The following GAREM1 variants were observed in gnomAD, a reference collection of about 807,000 sequenced individuals.
GAREM1 encodes GRB2-associated and regulator of MAPK protein 1.
In GAREM1, 26 loss-of-function variants were observed where a neutral mutation model predicts 71.3. The ratio of observed to expected loss-of-function variants is 0.36; its 90% CI spans 0.27 to 0.51. The LOEUF (loss-of-function observed/expected upper bound fraction) is 0.51, where lower values mean the gene tolerates loss of function less well. Among genes scored for constraint, GAREM1 ranks in the 20% least tolerant of loss-of-function variants. GAREM1 has a pLI of 0.95. For synonymous variants in GAREM1, 440 were observed against 433.2 expected (o/e 1.02, Z -0.20); for missense variants, 1,026 against 1,103.1 (o/e 0.93, Z 0.99).
intron 3 of GAREM1, among the ~76,000 whole-genome samples, chr18:32,306,455 T>A (rs1361312517): frequency 2.1e-5 from 3 of 142,458 alleles, no homozygotes; most frequent in African/African-American, 8.3e-5. Flanking sequence ...ACAGAATGTT[T>A]AGCAGCAACC....
intron 3 of GAREM1, among the ~76,000 whole-genome samples, 200 bp downstream of exon 3, chr18:32,309,993 C>G (rs997534978): frequency 8.5e-5 from 13 of 152,234 alleles, no homozygotes; most frequent in Middle Eastern, 3.4e-3. Context: ...TAAATTCTAA[C>G]AAAAGATAAT....
At chr18:32,379,217 T>C (rs944949994) in intron 2 of GAREM1, among the ~76,000 whole-genome samples, 5 of 152,140 alleles carry the variant, frequency 3.3e-5, no homozygotes, top group Non-Finnish European at 2.9e-5. Flanking sequence ...CTTACTATTA[T>C]GTGTCTTAAC....
intron 2 of GAREM1, among the ~76,000 whole-genome samples, chr18:32,392,009 T>C (rs569618754): frequency 1.3e-5 from 2 of 152,278 alleles, no homozygotes; most frequent in East Asian, 3.9e-4. Flanking sequence ...AGGTCCCTTT[T>C]CCAAATAATA....
intron 1 of GAREM1, among the ~76,000 whole-genome samples, chr18:32,463,693 C>T (rs931559423): frequency 6.6e-6 from 1 of 151,554 alleles, no homozygotes; most frequent in African/African-American, 2.4e-5. Flanking sequence ...CCTCAGCCTC[C>T]CGAGTAGCTG....
In GAREM1 at chr18:32,264,471, A is replaced by T. The variant is rs1002094824; in HGVS notation, c.*3400T>A. On this transcript the variant is annotated 3_prime_UTR_variant, in exon 6 of 6. Coordinates refer to ENST00000269209, the MANE Select transcript of GAREM1 (RefSeq NM_001242409.2). Reference sequence around the variant, plus strand: ...CCTCCCATCCCTGGACTTCTCAGGGAGCTGTATGGATAACATGCAGGTGGC... The same window carrying T: ...CCTCCCATCCCTGGACTTCTCAGGGTGCTGTATGGATAACATGCAGGTGGC... 5 of 152,154 alleles carry T rather than the reference A, an allele frequency of 3.3e-5. No individual in the cohort carries two copies. Among genetic ancestry groups the T allele is most frequent in the Non-Finnish European group, 7.3e-5 (5 of 68,034 alleles). 9.4% of individuals were successfully genotyped at this position (152,154 alleles called of 1,614,324 possible).
chr18:32,318,009 G>A (rs2047396622), intron 2 of GAREM1, among the ~76,000 whole-genome samples: 1 of 152,158 alleles, frequency 6.6e-6, no homozygotes, highest in South Asian at 2.1e-4. Flanking sequence ...TCTGTTCTGA[G>A]ATGTTACTGT....
chr18:32,275,071 T>C (rs539339323), intron 4 of GAREM1, among the ~76,000 whole-genome samples: 1 of 152,116 alleles, frequency 6.6e-6, no homozygotes, highest in Non-Finnish European at 1.5e-5. Context: ...GTTTTTTTGG[T>C]GACCCTGAGT....
chr18:32,336,573 T>C (rs1039274267), intron 2 of GAREM1, among the ~76,000 whole-genome samples: 6 of 152,206 alleles, frequency 3.9e-5, no homozygotes, highest in Admixed American at 2.0e-4. Context: ...TTGAAACATC[T>C]CAATTGTCAT....
intron 1 of GAREM1, among the ~76,000 whole-genome samples, chr18:32,447,957 T>C (rs2048800000): frequency 6.6e-6 from 1 of 152,210 alleles, no homozygotes; most frequent in African/African-American, 2.4e-5. Context: ...AATAATTCAG[T>C]TGGCATTGGC....
intron 1 of GAREM1, among the ~76,000 whole-genome samples, chr18:32,426,099 A>G (rs751560015): frequency 2.6e-5 from 4 of 152,044 alleles, no homozygotes; most frequent in Non-Finnish European, 5.9e-5. Context: ...GCTCACTGCA[A>G]CCTCTGCCTC....
chr18:32,359,450 T>A (rs2047840361), intron 2 of GAREM1, among the ~76,000 whole-genome samples: 1 of 152,168 alleles, frequency 6.6e-6, no homozygotes, highest in Non-Finnish European at 1.5e-5. Flanking sequence ...ATAATAAAAA[T>A]TCAGTTTATA....
intron 1 of GAREM1, among the ~76,000 whole-genome samples, chr18:32,414,585 C>A (rs1325300331): frequency 5.3e-5 from 8 of 151,860 alleles, no homozygotes; most frequent in African/African-American, 1.9e-4. Context: ...ACCATATAAA[C>A]ACATGGAAAT....
intron 2 of GAREM1, among the ~76,000 whole-genome samples, chr18:32,365,845 C>T (rs2047924555): frequency 6.6e-6 from 1 of 152,186 alleles, no homozygotes; most frequent in African/African-American, 2.4e-5. Flanking sequence ...ATGAGTTACA[C>T]TTCTGGAGGT....
intron 3 of GAREM1, among the ~76,000 whole-genome samples, chr18:32,289,656 T>G (rs1035738510): frequency 3.9e-5 from 6 of 152,188 alleles, no homozygotes; most frequent in African/African-American, 1.4e-4. Context: ...ATGATATAGA[T>G]TCATGATTCT....
At chr18:32,270,168 T>C in intron 5 of GAREM1, 49 bp downstream of exon 5, 1 of 1,590,252 alleles carries the variant, frequency 6.3e-7, no homozygotes, top group African/African-American at 1.3e-5. Flanking sequence ...ACCCATGAAC[T>C]GGTGGATGAG....
chr18:32,439,008 A>AG (rs1376971606), intron 1 of GAREM1, among the ~76,000 whole-genome samples: 2 of 152,128 alleles, frequency 1.3e-5, no homozygotes, highest in Non-Finnish European at 2.9e-5. Flanking sequence ...GTGCAGGTGG[A>AG]GGGGGCGTGG....
chr18:32,413,041 T>G, intron 1 of GAREM1: 12 of 1,599,454 alleles, frequency 7.5e-6, no homozygotes, highest in Non-Finnish European at 1.0e-5. Context: ...GGATCTCTCA[T>G]TACCACACAG....
At chr18:32,302,743 C>T (rs1256372436) in intron 3 of GAREM1, among the ~76,000 whole-genome samples, 4 of 152,078 alleles carry the variant, frequency 2.6e-5, no homozygotes, top group Non-Finnish European at 4.4e-5. Flanking sequence ...AAAGGGTACA[C>T]GTTCCAGGTA....
intron 2 of GAREM1, among the ~76,000 whole-genome samples, chr18:32,381,300 G>GT (rs1434348220): frequency 6.8e-6 from 1 of 147,008 alleles, no homozygotes; most frequent in Non-Finnish European, 1.5e-5. Context: ...TAACAAAGAG[G>GT]TTTTTTGTTG....
Sources: allele counts gnomAD v4.1 joint callset (sites outside exome capture counted in the v4.1 genomes callset), GRCh38; gene constraint gnomAD v4.1.1; transcripts MANE v1.5; gene names NCBI Gene and HGNC (gene_info 2026-07-23, HGNC 2026-07-21).